The following MDGA2 variants were observed in gnomAD, a reference collection of about 807,000 sequenced individuals.
MDGA2 encodes MAM domain containing glycosylphosphatidylinositol anchor 2, also known as MAM domain-containing glycosylphosphatidylinositol anchor protein 2.
A neutral mutation model predicts 117.8 loss-of-function variants in MDGA2; 40 were observed. The ratio of observed to expected loss-of-function variants is 0.34; its 90% CI spans 0.26 to 0.44. The LOEUF is 0.44. Among genes scored for constraint, MDGA2 ranks in the 20% least tolerant of loss-of-function variants. The pLI, the probability that MDGA2 is intolerant of heterozygous loss-of-function variation, is 1.00. For synonymous variants in MDGA2, 452 were observed against 439.0 expected, an observed-to-expected ratio of 1.03 and a Z score of -0.37; for missense variants, 1,123 against 1,250.6, an observed-to-expected ratio of 0.90 and a Z score of 1.54.
chr14:47,311,646 A>T (rs184901143), intron 1 of MDGA2, among the ~76,000 whole-genome samples: 8 of 152,258 alleles, frequency 5.3e-5, no homozygotes, highest in Admixed American at 2.6e-4. Flanking sequence ...ACCCTCATGG[A>T]CTGTAAACTT....
chr14:46,965,940 A>C (rs1182132083), intron 8 of MDGA2, among the ~76,000 whole-genome samples: 5 of 152,086 alleles, frequency 3.3e-5, no homozygotes, highest in Admixed American at 6.6e-5. Context: ...AGGATTTCTT[A>C]AGAAAAGTAG....
chr14:46,847,056 T>A (rs1021958474), intron 15 of MDGA2, among the ~76,000 whole-genome samples: 1 of 152,082 alleles, frequency 6.6e-6, no homozygotes, highest in Admixed American at 6.6e-5. Context: ...TTAATTATGA[T>A]GATTTTGAGA....
chr14:47,356,025 T>C (rs1890986426), intron 1 of MDGA2, among the ~76,000 whole-genome samples: 1 of 152,184 alleles, frequency 6.6e-6, no homozygotes, highest in Admixed American at 6.5e-5. Context: ...ACTGAAAGAC[T>C]GGCCTCACCC....
At chr14:47,339,717 G>C (rs1890563479) in intron 1 of MDGA2, among the ~76,000 whole-genome samples, 1 of 152,114 alleles carries the variant, frequency 6.6e-6, no homozygotes, top group South Asian at 2.1e-4. Flanking sequence ...CATGTTTCTT[G>C]TACAGCTTGC....
At chr14:47,482,881 A>G (rs527842514) in intron 1 of MDGA2, among the ~76,000 whole-genome samples, 2 of 150,812 alleles carry the variant, frequency 1.3e-5, no homozygotes, top group Non-Finnish European at 3.0e-5. Flanking sequence ...AGATTTTCTG[A>G]AGGATCGGAT....
intron 1 of MDGA2, among the ~76,000 whole-genome samples, chr14:47,349,494 T>G (rs1167768991): frequency 6.6e-6 from 1 of 152,228 alleles, no homozygotes; most frequent in Non-Finnish European, 1.5e-5. Flanking sequence ...TAGGTTGAAA[T>G]AAGCTTCCCT....
chr14:47,127,594 C>A (rs1446649645), intron 5 of MDGA2, among the ~76,000 whole-genome samples: 2 of 152,038 alleles, frequency 1.3e-5, no homozygotes, highest in African/African-American at 4.8e-5. Context: ...TTCTAATACT[C>A]ATTTTGCAGT....
At chr14:47,173,910 G>A (rs979689475) in intron 3 of MDGA2, among the ~76,000 whole-genome samples, 1 of 152,134 alleles carries the variant, frequency 6.6e-6, no homozygotes, top group Non-Finnish European at 1.5e-5. Flanking sequence ...TCCAGCTCAT[G>A]CGCAGAGACA....
intron 1 of MDGA2, among the ~76,000 whole-genome samples, chr14:47,442,535 C>A (rs547636562): frequency 2.6e-5 from 4 of 152,168 alleles, no homozygotes; most frequent in African/African-American, 9.6e-5. Context: ...AAGGCAGGAG[C>A]AGAGTATTAA....
chr14:47,025,931 C>A (rs1019284895), intron 8 of MDGA2, among the ~76,000 whole-genome samples: 1 of 152,164 alleles, frequency 6.6e-6, no homozygotes, highest in East Asian at 1.9e-4. Context: ...CTGTCTTATA[C>A]CCTTGTGTAT....
intron 2 of MDGA2, among the ~76,000 whole-genome samples, chr14:47,280,189 C>T (rs1308141229): frequency 6.6e-6 from 1 of 151,470 alleles, no homozygotes; most frequent in African/African-American, 2.4e-5. Context: ...TGGTACATGC[C>T]TGTAATCCCA....
chr14:46,944,121 A>G (rs888167519), intron 9 of MDGA2, among the ~76,000 whole-genome samples: 1 of 152,016 alleles, frequency 6.6e-6, no homozygotes, highest in Non-Finnish European at 1.5e-5. Flanking sequence ...TCCCTTAAGT[A>G]TAAAGATCAC....
In MDGA2 at chr14:47,339,699, G is replaced by T. The variant is rs1890563005; in HGVS notation, c.281-38149C>A. Among the ~76,000 whole-genome samples the T allele has an allele frequency of 4.6e-5, 7 of 152,254 alleles. No individual in the cohort carries two copies. The South Asian group carries it at 1.5e-3, about 32-fold the overall frequency. On this transcript the variant is annotated intron_variant, in intron 1 of 16. Transcript: ENST00000399232. ...CCTGAAGCCCTCACCAGAGGCAATTGCTGGCACCATGTTTCTTGTACAGCT... is the reference window on the plus strand; with the variant it reads ...CCTGAAGCCCTCACCAGAGGCAATTTCTGGCACCATGTTTCTTGTACAGCT...
intron 4 of MDGA2, among the ~76,000 whole-genome samples, chr14:47,133,477 G>T (rs1882307917): frequency 6.6e-6 from 1 of 151,692 alleles, no homozygotes; most frequent in African/African-American, 2.4e-5. Flanking sequence ...GTTATTCCTT[G>T]GAATTCTACT....
intron 1 of MDGA2, among the ~76,000 whole-genome samples, chr14:47,561,180 T>G (rs894814423): frequency 8.3e-6 from 1 of 120,566 alleles, no homozygotes; most frequent in African/African-American, 3.6e-5. Context: ...TGTTTGTTTG[T>G]TTTTTTTTGC....
chr14:47,605,986 C>T (rs958634980), intron 1 of MDGA2, among the ~76,000 whole-genome samples: 17 of 152,076 alleles, frequency 1.1e-4, no homozygotes, highest in African/African-American at 4.1e-4. Flanking sequence ...ATCAAAGAGG[C>T]CGTCTTCAAA....
intron 1 of MDGA2, among the ~76,000 whole-genome samples, chr14:47,528,507 A>G (rs934019485): frequency 1.6e-4 from 24 of 152,196 alleles, no homozygotes; most frequent in African/African-American, 5.8e-4. Flanking sequence ...AAAGAAGGAG[A>G]TCATGGTCTC....
chr14:47,454,713 T>C (rs1178355361), intron 1 of MDGA2, among the ~76,000 whole-genome samples: 1 of 152,200 alleles, frequency 6.6e-6, no homozygotes, highest in Non-Finnish European at 1.5e-5. Flanking sequence ...GCACCTATTA[T>C]AATGGGTGGA....
At chr14:47,374,734 A>C (rs1237324586) in intron 1 of MDGA2, among the ~76,000 whole-genome samples, 1 of 152,052 alleles carries the variant, frequency 6.6e-6, no homozygotes, top group Non-Finnish European at 1.5e-5. Flanking sequence ...TTCTTTCTCA[A>C]ACGGATGAAT....
Sources: gnomAD v4.1 joint callset for allele counts (sites outside exome capture counted in the v4.1 genomes callset) on GRCh38, gnomAD v4.1.1 for gene constraint, MANE v1.5 for transcripts, NCBI Gene and HGNC (gene_info 2026-07-23, HGNC 2026-07-21) for gene names.